Variants in WWOX observed in about 807,000 individuals in gnomAD.
WWOX encodes the protein WW domain containing oxidoreductase, also known as WW domain-containing oxidoreductase.
WWOX carries 69 observed loss-of-function variants against 46.2 expected under a neutral mutation model. That is an observed-to-expected ratio of 1.49 (90% CI 1.23 to 1.82). The LOEUF is 1.82. Ranked by LOEUF, WWOX falls within the 40% of genes most tolerant of loss-of-function variation. The pLI is 0.00. For synonymous variants in WWOX, 359 were observed against 202.6 expected (o/e 1.77, Z -6.56); for missense variants, 919 against 542.6 (o/e 1.69, Z -6.89).
intron 8 of WWOX, among the ~76,000 whole-genome samples, chr16:79,018,550 G>C (rs761537736): frequency 2.4e-4 from 37 of 152,140 alleles, no homozygotes; most frequent in Admixed American, 2.0e-4. Flanking sequence ...TGGTTTGGGG[G>C]AGTGGGCTGT....
intron 8 of WWOX, among the ~76,000 whole-genome samples, chr16:78,539,156 G>A (rs1033130900): frequency 2.6e-5 from 4 of 152,174 alleles, no homozygotes; most frequent in African/African-American, 9.7e-5. Flanking sequence ...TTGAATTTTG[G>A]TTTTCCCCTA....
intron 8 of WWOX, among the ~76,000 whole-genome samples, chr16:78,839,698 G>C (rs867887500): frequency 6.6e-6 from 1 of 152,150 alleles, no homozygotes; most frequent in Admixed American, 6.5e-5. Context: ...GGGCATATCT[G>C]ATTTGGAAAA....
chr16:78,212,241 A>AG (rs938885770), intron 5 of WWOX, among the ~76,000 whole-genome samples: 10 of 152,184 alleles, frequency 6.6e-5, no homozygotes, highest in Admixed American at 2.0e-4. Flanking sequence ...TCCATGGAAA[A>AG]GGGGGGATTG....
intron 8 of WWOX, among the ~76,000 whole-genome samples, chr16:78,702,007 T>TTATATATATGTATATATATA (rs1555519490): frequency 5.2e-4 from 30 of 57,622 alleles, no homozygotes; most frequent in African/African-American, 1.9e-3. Flanking sequence ...CTACATAAAA[T>TTATATATATGTATATATATA]TATATATATA....
intron 4 of WWOX, among the ~76,000 whole-genome samples, chr16:78,152,122 G>A (rs36025095): frequency 0.1 from 15,246 of 151,894 alleles, 779 homozygotes; most frequent in African/African-American, 0.12. Flanking sequence ...CCCGGGAGGC[G>A]GAGCTTGAAG....
At chr16:78,638,159 A>C (rs1321826621) in intron 8 of WWOX, among the ~76,000 whole-genome samples, 1 of 152,150 alleles carries the variant, frequency 6.6e-6, no homozygotes, top group Admixed American at 6.5e-5. Context: ...TTCCCATGGC[A>C]ATTATTTTAC....
chr16:78,151,096 C>G (rs2034389960), intron 4 of WWOX, among the ~76,000 whole-genome samples: 2 of 150,694 alleles, frequency 1.3e-5, no homozygotes, highest in African/African-American at 2.4e-5. Flanking sequence ...AGGCTGGTCT[C>G]AAACCCTTGG....
Position 78,866,632 on chromosome 16 carries a change from T to G in WWOX, c.1057-344976T>G, listed in dbSNP as rs1387053284. 2.0e-5 allele frequency among the ~76,000 whole-genome samples: 3 copies of G among 152,336 alleles called. No individual in the cohort carries two copies. The East Asian group carries it at 5.8e-4, about 29-fold the overall frequency. Reference sequence around the variant, plus strand: ...ACTGGTGCATCCCCTGTGAGCCTATTTGGCTCCTGGCGGTGTTTTTGTTGC... The same window carrying G: ...ACTGGTGCATCCCCTGTGAGCCTATGTGGCTCCTGGCGGTGTTTTTGTTGC... On this transcript the variant is annotated intron_variant, in intron 8 of 8. Transcript: ENST00000566780.
chr16:78,325,724 C>G (rs559193503), intron 5 of WWOX, among the ~76,000 whole-genome samples: 2 of 152,314 alleles, frequency 1.3e-5, no homozygotes, highest in Admixed American at 6.5e-5. Context: ...TTTCATGGGA[C>G]TGTAACCTGA....
chr16:78,636,621 T>C (rs959029182), intron 8 of WWOX, among the ~76,000 whole-genome samples: 2 of 152,192 alleles, frequency 1.3e-5, no homozygotes, highest in African/African-American at 4.8e-5. Flanking sequence ...TTAAAACTGA[T>C]AATTAATGGA....
intron 1 of WWOX, among the ~76,000 whole-genome samples, chr16:78,104,931 G>C (rs2032045618): frequency 6.6e-6 from 1 of 152,150 alleles, no homozygotes; most frequent in African/African-American, 2.4e-5. Context: ...CTTCTTCAAG[G>C]GCAGAGTGGC....
At chr16:78,201,222 A>T (rs1042309181) in intron 5 of WWOX, among the ~76,000 whole-genome samples, 4 of 152,246 alleles carry the variant, frequency 2.6e-5, no homozygotes, top group African/African-American at 9.6e-5. Flanking sequence ...AATTTCAACT[A>T]AGAACCAAAA....
chr16:78,854,522 T>A (rs1054388546), intron 8 of WWOX, among the ~76,000 whole-genome samples: 58 of 152,214 alleles, frequency 3.8e-4, no homozygotes, highest in Non-Finnish European at 5.9e-5. Context: ...GTAACACCCC[T>A]GGAACATAAA....
chr16:78,790,330 T>C (rs867509967), intron 8 of WWOX, among the ~76,000 whole-genome samples: 1 of 151,846 alleles, frequency 6.6e-6, no homozygotes, highest in South Asian at 2.1e-4. Flanking sequence ...AGATGGGGTT[T>C]CATCATGTTG....
At chr16:78,529,078 T>G (rs2043556445) in intron 8 of WWOX, among the ~76,000 whole-genome samples, 1 of 151,376 alleles carries the variant, frequency 6.6e-6, no homozygotes, top group African/African-American at 2.4e-5. Context: ...CTCAGCCTCC[T>G]GAGTCACTGG....
At chr16:79,062,574 A>C (rs746347535) in intron 8 of WWOX, among the ~76,000 whole-genome samples, 13 of 152,218 alleles carry the variant, frequency 8.5e-5, no homozygotes, top group Admixed American at 6.5e-5. Context: ...GATATAAAAC[A>C]GCAGGGGTGG....
chr16:78,386,758 CAG>C (rs1031639261), intron 5 of WWOX, 100 bp from the exon 6 acceptor site: 67 of 1,035,912 alleles, frequency 6.5e-5, no homozygotes, highest in Middle Eastern at 2.2e-4. Context: ...TTATATTAAA[CAG>C]GGGAATTCCG....
chr16:79,015,636 T>G (rs1226720375), intron 8 of WWOX, among the ~76,000 whole-genome samples: 1 of 152,248 alleles, frequency 6.6e-6, no homozygotes, highest in Non-Finnish European at 1.5e-5. Flanking sequence ...AGCACACCAC[T>G]GTGGGATTAG....
At chr16:79,049,834 C>CAAAAAAA (rs34371278) in intron 8 of WWOX, among the ~76,000 whole-genome samples, 1 of 78,692 alleles carries the variant, frequency 1.3e-5, no homozygotes, top group Admixed American at 1.4e-4. Context: ...GACTCTGTCT[C>CAAAAAAA]AAAAAAAAAA....
Sources: gnomAD v4.1 joint callset for allele counts (sites outside exome capture counted in the v4.1 genomes callset) on GRCh38, gnomAD v4.1.1 for gene constraint, MANE v1.5 for transcripts, NCBI Gene and HGNC (gene_info 2026-07-23, HGNC 2026-07-21) for gene names.